NLGN4X: variants seen among roughly 807,000 people sequenced by gnomAD.
The protein encoded by NLGN4X is neuroligin-4, X-linked.
Under a neutral mutation model 40.3 loss-of-function variants are expected in NLGN4X, and 3 were observed. That is an observed-to-expected ratio of 0.07 (90% CI 0.03 to 0.19). The LOEUF is 0.19. NLGN4X is among the 10% of genes least tolerant of loss of function. The probability of loss-of-function intolerance (pLI) is 1.00; values close to 1 mark genes in which losing one functional copy is unlikely to be tolerated. For synonymous variants in NLGN4X, 270 were observed against 306.8 expected (o/e 0.88, Z 1.25); for missense variants, 382 against 708.3 (o/e 0.54, Z 5.23).
intron 2 of NLGN4X, among the ~76,000 whole-genome samples, chrX:6,074,677 T>C (rs760656448): frequency 5.6e-4 from 62 of 111,705 alleles, no homozygotes; most frequent in African/African-American, 2.0e-3. Flanking sequence ...GATGAGGAAC[T>C]TGAGAGTCAT....
chrX:6,030,320 C>T (rs1480236399), intron 2 of NLGN4X, among the ~76,000 whole-genome samples: 1 of 109,621 alleles, frequency 9.1e-6, no homozygotes, highest in Non-Finnish European at 1.9e-5. Flanking sequence ...TGTTTTATAA[C>T]ATTAATCAGC....
chrX:6,053,741 C>T lies in NLGN4X; in HGVS notation c.473-24309G>A, dbSNP rs2037549963. Among the ~76,000 whole-genome samples the T allele has an allele frequency of 2.7e-5, 3 of 111,988 alleles. No individual in the cohort carries two copies. The South Asian group carries it at 1.1e-3, about 42-fold the overall frequency. On this transcript the variant is annotated intron_variant, in intron 2 of 5. Transcript: ENST00000381095. ...TCCTCCAAAAGGAATCTTTCAGTGC[C>T]TGGCACCATGCTTTACTGAGAAAGC...
chrX:6,193,571 T>A (rs1186933979), intron 1 of NLGN4X, among the ~76,000 whole-genome samples: 1 of 111,194 alleles, frequency 9.0e-6, no homozygotes, highest in African/African-American at 3.3e-5. Context: ...ACATTCCTTA[T>A]AAGCTTTCTT....
At chrX:6,049,739 G>A (rs2037431866) in intron 2 of NLGN4X, among the ~76,000 whole-genome samples, 1 of 36,483 alleles carries the variant, frequency 2.7e-5, no homozygotes, top group Non-Finnish European at 5.8e-5. Flanking sequence ...ATGGGGGGGG[G>A]GGGCGGTCAC....
chrX:6,194,953 T>A lies in NLGN4X; in HGVS notation c.-306+33588A>T, dbSNP rs114640970. 9.2e-3 allele frequency among the ~76,000 whole-genome samples: 1,031 copies of A among 111,609 alleles called. 16 individuals carry two copies. The highest frequency in any genetic ancestry group is 0.031 in the African/African-American group (965 of 30,677). On this transcript the variant is annotated intron_variant, in intron 1 of 5. Transcript: ENST00000381095. ...TCAAGCTACCTCCTCATCCAAACAA[T>A]TCTAATAATAGTAGTAATAATAGTT... is the stretch of plus-strand genomic sequence containing the variant.
intron 1 of NLGN4X, among the ~76,000 whole-genome samples, chrX:6,205,549 G>A (rs1331889464): frequency 8.9e-6 from 1 of 112,750 alleles, no homozygotes; most frequent in Non-Finnish European, 1.9e-5. Context: ...GTCCATACAA[G>A]AGCAGGGAAA....
intron 3 of NLGN4X, among the ~76,000 whole-genome samples, chrX:5,974,688 C>T (rs768671656): frequency 2.2e-4 from 24 of 111,322 alleles, no homozygotes; most frequent in Non-Finnish European, 4.1e-4. Flanking sequence ...CCGTTACCCA[C>T]GGGGGACACG....
chrX:6,184,709 T>C (rs749202766), intron 1 of NLGN4X, among the ~76,000 whole-genome samples: 3 of 112,136 alleles, frequency 2.7e-5, no homozygotes, highest in African/African-American at 9.7e-5. Context: ...AACAGAATGC[T>C]TCGTTTACCA....
In NLGN4X at chrX:6,133,774, C is replaced by T. The variant is rs1393882218; in HGVS notation, c.472+17221G>A. Among the ~76,000 whole-genome samples, 4 of 111,545 alleles carry T rather than the reference C, an allele frequency of 3.6e-5. No individual in the cohort carries two copies. The East Asian group carries it at 1.1e-3, about 31-fold the overall frequency. ...CTGACATGGAACTTCTGTACTCTTC[C>T]ATTCATGTCTATATGGTAACTAGAA... On this transcript the variant is annotated intron_variant, in intron 2 of 5. Coordinates refer to ENST00000381095, the MANE Select transcript of NLGN4X (RefSeq NM_181332.3).
At chrX:6,073,917 T>C (rs1468802835) in intron 2 of NLGN4X, among the ~76,000 whole-genome samples, 1 of 109,038 alleles carries the variant, frequency 9.2e-6, no homozygotes, top group Non-Finnish European at 1.9e-5. Flanking sequence ...AAGAAGTGAT[T>C]ATGAAGGATA....
At position 6,063,294 on chromosome X, in the gene NLGN4X, G is replaced by A. The variant is rs148145997; in HGVS notation, c.473-33862C>T. On this transcript the variant is annotated intron_variant, in intron 2 of 5. Coordinates refer to ENST00000381095, the MANE Select transcript of NLGN4X (RefSeq NM_181332.3). Reference sequence around the variant, plus strand: ...GTTCCAGACCAGCTTGGGCAACATAGCAAGACCCAATCTCTACAAAAAGAA... The same window carrying A: ...GTTCCAGACCAGCTTGGGCAACATAACAAGACCCAATCTCTACAAAAAGAA... Among the ~76,000 whole-genome samples the A allele has an allele frequency of 1.7e-3, 194 of 111,710 alleles. 1 individual carries two copies. The highest frequency in any genetic ancestry group is 6.0e-3 in the African/African-American group (183 of 30,702).
intron 2 of NLGN4X, among the ~76,000 whole-genome samples, chrX:6,083,116 G>A (rs768121491): frequency 2.3e-4 from 23 of 100,925 alleles, no homozygotes; most frequent in East Asian, 1.5e-3. Flanking sequence ...CCGCCACCTC[G>A]CCCGGCTAAT....
chrX:6,048,141 A>G (rs2037376047), intron 2 of NLGN4X, among the ~76,000 whole-genome samples: 1 of 111,416 alleles, frequency 9.0e-6, no homozygotes, highest in East Asian at 2.8e-4. Context: ...TGTCTTTATG[A>G]CCACGCTACA....
At chrX:6,193,166 A>G (rs1922703198) in intron 1 of NLGN4X, among the ~76,000 whole-genome samples, 1 of 111,190 alleles carries the variant, frequency 9.0e-6, no homozygotes, top group Non-Finnish European at 1.9e-5. Flanking sequence ...TCACGCCTGT[A>G]ATCCCAGCAC....
At chrX:5,969,448 G>A (rs1032143922) in intron 3 of NLGN4X, among the ~76,000 whole-genome samples, 1 of 111,728 alleles carries the variant, frequency 9.0e-6, no homozygotes, top group African/African-American at 3.3e-5. Flanking sequence ...GGCCACCAGA[G>A]AAATGCAAAT....
At chrX:5,900,731 G>A (rs752914922) in intron 5 of NLGN4X, among the ~76,000 whole-genome samples, 4 of 108,249 alleles carry the variant, frequency 3.7e-5, no homozygotes, top group East Asian at 5.8e-4. Context: ...ATGCTACCAT[G>A]CACAGCTAAA....
At position 6,227,236 on chromosome X, in the gene NLGN4X, C is replaced by T. The variant is rs754851761; in HGVS notation, c.-306+1305G>A. On this transcript the variant is annotated intron_variant, in intron 1 of 5. Transcript: ENST00000381095. The stretch of plus-strand genomic sequence containing the variant: ...GGGGTGGCGGTTGCGTTTTCCAGGG[C>T]TGTAGAGGTGGTGCGCCTATTGGAA... 2.1e-3 allele frequency: 232 copies of T among 110,230 alleles called. 2 individuals are homozygous for T. The highest frequency in any genetic ancestry group is 7.3e-3 in the African/African-American group (222 of 30,220). 9.1% of individuals were successfully genotyped at this position (110,230 alleles called of 1,213,427 possible). A position where few individuals can be genotyped will look rare whatever the true frequency, so the allele number is the denominator to read the frequency against.
intron 1 of NLGN4X, among the ~76,000 whole-genome samples, chrX:6,211,582 G>A (rs1924606934): frequency 9.0e-6 from 1 of 111,667 alleles, no homozygotes; most frequent in African/African-American, 3.2e-5. Flanking sequence ...GTAAAGATAT[G>A]TGTACAGATA....
At chrX:5,946,833 C>A (rs1263543578) in intron 3 of NLGN4X, among the ~76,000 whole-genome samples, 1 of 111,010 alleles carries the variant, frequency 9.0e-6, no homozygotes, top group Admixed American at 9.6e-5. Flanking sequence ...CCCTCTCCTA[C>A]CCTCCACCCT....
Sources: allele counts gnomAD v4.1 joint callset (sites outside exome capture counted in the v4.1 genomes callset), GRCh38; gene constraint gnomAD v4.1.1; transcripts MANE v1.5; gene names NCBI Gene and HGNC (gene_info 2026-07-23, HGNC 2026-07-21).